KHDRBS2: variants seen among roughly 807,000 people sequenced by gnomAD.
KHDRBS2 encodes KH RNA binding domain containing, signal transduction associated 2.
In KHDRBS2, 26 loss-of-function variants were observed where a neutral mutation model predicts 44.3. That is an observed-to-expected ratio of 0.59 (90% CI 0.43 to 0.81). KHDRBS2 has a LOEUF of 0.81. Among genes scored for constraint, KHDRBS2 ranks in the 40% least tolerant of loss-of-function variants. KHDRBS2 has a pLI of 0.00. For synonymous variants in KHDRBS2, 194 were observed against 151.1 expected (o/e 1.28, Z -2.08); for missense variants, 476 against 433.1 (o/e 1.10, Z -0.88).
At chr6:62,078,093 C>A (rs1162011087) in intron 2 of KHDRBS2, among the ~76,000 whole-genome samples, 2 of 152,022 alleles carry the variant, frequency 1.3e-5, no homozygotes, top group Non-Finnish European at 2.9e-5. Flanking sequence ...AGAGTATCTG[C>A]ATAACACCTT....
intron 1 of KHDRBS2, among the ~76,000 whole-genome samples, chr6:62,247,810 T>G (rs1158201481): frequency 6.6e-6 from 1 of 152,092 alleles, no homozygotes; most frequent in Non-Finnish European, 1.5e-5. Context: ...AACTAATACT[T>G]TCACTCCTCA....
chr6:61,912,862 G>A (rs1410544786), intron 4 of KHDRBS2, among the ~76,000 whole-genome samples: 1 of 152,118 alleles, frequency 6.6e-6, no homozygotes, highest in Admixed American at 6.6e-5. Flanking sequence ...AATGATTGTT[G>A]TTTTCTAAGG....
At chr6:62,251,315 T>C (rs1335652119) in intron 1 of KHDRBS2, among the ~76,000 whole-genome samples, 1 of 151,992 alleles carries the variant, frequency 6.6e-6, no homozygotes, top group Admixed American at 6.6e-5. Context: ...TGAAGATAAG[T>C]TATATCTTCA....
chr6:61,610,001 G>A, the KHDRBS2 span, among the ~76,000 whole-genome samples: 2 of 152,024 alleles, frequency 1.3e-5, no homozygotes, highest in East Asian at 1.9e-4. Flanking sequence ...GTGAAACCCC[G>A]TCTCTGCTAA....
chr6:62,079,004 A>G (rs781423670), intron 2 of KHDRBS2, among the ~76,000 whole-genome samples: 1 of 152,012 alleles, frequency 6.6e-6, no homozygotes, highest in Non-Finnish European at 1.5e-5. Flanking sequence ...TTCCTAACTG[A>G]CTTGCAAAGG....
At chr6:62,146,935 T>C (rs1173853757) in intron 2 of KHDRBS2, among the ~76,000 whole-genome samples, 1 of 151,930 alleles carries the variant, frequency 6.6e-6, no homozygotes, top group Non-Finnish European at 1.5e-5. Flanking sequence ...TGAATGTGGA[T>C]ATGAGCAGCT....
chr6:62,097,042 C>T (rs1160789338), intron 2 of KHDRBS2, among the ~76,000 whole-genome samples: 6 of 151,146 alleles, frequency 4.0e-5, no homozygotes, highest in Middle Eastern at 3.4e-3. Flanking sequence ...GGTATAGTTT[C>T]CTAAGTTCTT....
At chr6:62,098,066 A>G (rs1378938732) in intron 2 of KHDRBS2, among the ~76,000 whole-genome samples, 4 of 152,080 alleles carry the variant, frequency 2.6e-5, no homozygotes, top group Non-Finnish European at 5.9e-5. Flanking sequence ...TTTAATGTTC[A>G]ACTTTACATC....
intron 1 of KHDRBS2, among the ~76,000 whole-genome samples, chr6:62,285,478 TA>T (rs1361857493): frequency 2.0e-5 from 3 of 152,202 alleles, no homozygotes; most frequent in Non-Finnish European, 2.9e-5. Context: ...GATCTGTAGC[TA>T]CGAAGCTCTT....
intron 4 of KHDRBS2, among the ~76,000 whole-genome samples, chr6:61,960,001 T>G (rs1025592965): frequency 1.1e-4 from 16 of 152,192 alleles, no homozygotes; most frequent in African/African-American, 3.9e-4. Context: ...AAACATTTCA[T>G]CACTATCAAG....
chr6:61,552,229 A>G, the KHDRBS2 span, among the ~76,000 whole-genome samples: 1 of 151,540 alleles, frequency 6.6e-6, no homozygotes, highest in Non-Finnish European at 1.5e-5. Flanking sequence ...AGATCTTTCA[A>G]TTCCCTGGAT....
At chr6:61,606,950 T>C in the KHDRBS2 span, among the ~76,000 whole-genome samples, 50 of 152,308 alleles carry the variant, frequency 3.3e-4, no homozygotes, top group African/African-American at 1.1e-3. Flanking sequence ...GATTTAAATG[T>C]GATCAAATAG....
chr6:62,244,937 C>T (rs547181474), intron 1 of KHDRBS2, among the ~76,000 whole-genome samples: 6 of 152,064 alleles, frequency 3.9e-5, no homozygotes, highest in South Asian at 4.2e-4. Flanking sequence ...CCCTGGGCCA[C>T]GCAGCAGCAA....
chr6:61,861,494 G>C (rs1327817010), intron 6 of KHDRBS2, among the ~76,000 whole-genome samples: 1 of 151,794 alleles, frequency 6.6e-6, no homozygotes, highest in Non-Finnish European at 1.5e-5. Flanking sequence ...TGCTCCTTTT[G>C]GTCAGGTTTG....
intron 6 of KHDRBS2, among the ~76,000 whole-genome samples, chr6:61,790,701 T>G (rs1437347588): frequency 6.6e-6 from 1 of 151,740 alleles, no homozygotes; most frequent in African/African-American, 2.4e-5. Flanking sequence ...CATCTGTGCT[T>G]ATGCACAGTA....
chr6:61,991,091 G>A (rs935113086), intron 3 of KHDRBS2, among the ~76,000 whole-genome samples: 3 of 152,046 alleles, frequency 2.0e-5, no homozygotes, highest in African/African-American at 4.8e-5. Context: ...AAGGTGATGT[G>A]TCATCATTTT....
At chr6:61,696,687 T>C (rs764914193) in intron 8 of KHDRBS2, among the ~76,000 whole-genome samples, 2 of 152,196 alleles carry the variant, frequency 1.3e-5, no homozygotes, top group Non-Finnish European at 2.9e-5. Flanking sequence ...AATTAAGGAA[T>C]ATATTTTTTA....
the KHDRBS2 span, among the ~76,000 whole-genome samples, chr6:61,604,773 T>A: frequency 6.6e-6 from 1 of 152,146 alleles, no homozygotes; most frequent in Non-Finnish European, 1.5e-5. Context: ...CTAAAATAAC[T>A]CTTGGTCTGG....
chr6:61,852,204 G>A (rs1181041001), intron 6 of KHDRBS2, among the ~76,000 whole-genome samples: 2 of 151,514 alleles, frequency 1.3e-5, no homozygotes, highest in East Asian at 3.9e-4. Flanking sequence ...CCTGGGCAAT[G>A]GAACAAAACT....
Sources: allele counts gnomAD v4.1 joint callset (sites outside exome capture counted in the v4.1 genomes callset), GRCh38; gene constraint gnomAD v4.1.1; transcripts MANE v1.5; gene names NCBI Gene and HGNC (gene_info 2026-07-23, HGNC 2026-07-21).